Variants in CDH12 observed in about 807,000 individuals in gnomAD.
The protein encoded by CDH12 is cadherin-12.
CDH12 carries 41 observed loss-of-function variants against 74.1 expected under a neutral mutation model. The observed-to-expected ratio is 0.55, with a 90% CI of 0.43 to 0.72. The LOEUF (loss-of-function observed/expected upper bound fraction) is 0.72, where lower values mean the gene tolerates loss of function less well. Among genes scored for constraint, CDH12 ranks in the 30% least tolerant of loss-of-function variants. The pLI is 0.00. For synonymous variants in CDH12, 399 were observed against 355.0 expected, an observed-to-expected ratio of 1.12 and a Z score of -1.39; for missense variants, 945 against 977.2, an observed-to-expected ratio of 0.97 and a Z score of 0.44.
intron 1 of CDH12, among the ~76,000 whole-genome samples, chr5:22,549,902 G>C (rs1387841502): frequency 1.3e-5 from 2 of 152,142 alleles, no homozygotes; most frequent in African/African-American, 4.8e-5. Context: ...ACTCGTGACA[G>C]CTCTAACTGT....
chr5:22,190,390 ATCTATCT>A (rs1000111153), intron 4 of CDH12, among the ~76,000 whole-genome samples: 3 of 151,316 alleles, frequency 2.0e-5, no homozygotes, highest in African/African-American at 7.3e-5. Flanking sequence ...CTATCTATCT[ATCTATCT>A]ATCTATCCTC....
intron 2 of CDH12, among the ~76,000 whole-genome samples, chr5:22,500,533 C>G (rs1747288121): frequency 6.6e-6 from 1 of 152,136 alleles, no homozygotes; most frequent in South Asian, 2.1e-4. Context: ...TATCTTATCA[C>G]TTCCTCAATT....
chr5:21,832,111 A>T (rs1323469291), intron 8 of CDH12, among the ~76,000 whole-genome samples: 1 of 152,152 alleles, frequency 6.6e-6, no homozygotes, highest in Admixed American at 6.6e-5. Context: ...AAATAATTTA[A>T]AACTAAAGGT....
chr5:21,905,973 C>T (rs1177078476), intron 6 of CDH12, among the ~76,000 whole-genome samples: 1 of 151,826 alleles, frequency 6.6e-6, no homozygotes. Context: ...GTGCTCAATA[C>T]TTATATTTAG....
At position 22,450,431 on chromosome 5, in the gene CDH12, T is replaced by C. The variant is rs548337302; in HGVS notation, c.-427-45080A>G. Among the ~76,000 whole-genome samples, 4 of 152,044 alleles carry C rather than the reference T, an allele frequency of 2.6e-5. No individual in the cohort carries two copies. In the East Asian group the frequency reaches 7.7e-4, roughly 29 times the overall value. On this transcript the variant is annotated intron_variant, in intron 2 of 14. Transcript: ENST00000382254. ...AATCTTGAAAAAGGACCTCCCCCTT[T>C]ATCCAGTTGCTGAAGCCAGAAATAT...
intron 1 of CDH12, among the ~76,000 whole-genome samples, chr5:22,792,106 A>C (rs1341628944): frequency 2.5e-5 from 2 of 80,312 alleles, no homozygotes; most frequent in Non-Finnish European, 4.8e-5. Flanking sequence ...TTTTTTTTTG[A>C]GATGGAGTTT....
rs10657805 is a variant in CDH12, at chr5:21,751,608, G to GAAAA, written c.*128_*129insTTTT. ...AGGTAATCAAAGGAATCTTGTCCCA[G>GAAAA]AGTGTGTGTGTGTGTGTGTGTGTTT... On this transcript the variant is annotated 3_prime_UTR_variant, in exon 15 of 15. Coordinates refer to ENST00000382254, the MANE Select transcript of CDH12 (RefSeq NM_004061.5). 4.7e-6 allele frequency: 3 copies of GAAAA among 641,040 alleles called. No homozygotes were observed. In the African/African-American group the frequency reaches 6.6e-5, roughly 14 times the overall value. 39.7% of individuals were successfully genotyped at this position (641,040 alleles called of 1,614,324 possible). A position where few individuals can be genotyped will look rare whatever the true frequency, so the allele number is the denominator to read the frequency against.
At chr5:22,171,779 T>C (rs1561186947) in intron 4 of CDH12, among the ~76,000 whole-genome samples, 1 of 151,928 alleles carries the variant, frequency 6.6e-6, no homozygotes, top group Non-Finnish European at 1.5e-5. Flanking sequence ...TATTTACATT[T>C]GTATTGTGTT....
At chr5:22,388,173 T>C (rs112193623) in intron 3 of CDH12, among the ~76,000 whole-genome samples, 218 of 152,232 alleles carry the variant, frequency 1.4e-3, no homozygotes, top group African/African-American at 4.8e-3. Context: ...TTGTGAGTCC[T>C]TTGGATTGGT....
At chr5:21,903,957 A>G (rs2150056767) in intron 6 of CDH12, among the ~76,000 whole-genome samples, 1 of 152,264 alleles carries the variant, frequency 6.6e-6, no homozygotes, top group South Asian at 2.1e-4. Flanking sequence ...AAAAAAAGAC[A>G]TGGATTTCCA....
chr5:22,329,298 AAT>A (rs1382937796), intron 3 of CDH12, among the ~76,000 whole-genome samples: 8 of 152,218 alleles, frequency 5.3e-5, no homozygotes, highest in African/African-American at 1.9e-4. Flanking sequence ...TAATACCAGC[AAT>A]AGAGAAACCT....
chr5:21,986,717 G>C (rs533293120), intron 5 of CDH12, among the ~76,000 whole-genome samples: 1 of 151,924 alleles, frequency 6.6e-6, no homozygotes, highest in Non-Finnish European at 1.5e-5. Context: ...AAATGTATAC[G>C]ATTTAGTCTA....
intron 1 of CDH12, among the ~76,000 whole-genome samples, chr5:22,746,573 T>C (rs976565): frequency 0.84 from 127,295 of 152,182 alleles, 53,319 homozygotes; most frequent in Non-Finnish European, 0.86. Context: ...TGCATGCAAA[T>C]ATATGTATTT....
At chr5:22,145,575 C>T (rs1747104894) in intron 4 of CDH12, among the ~76,000 whole-genome samples, 1 of 152,002 alleles carries the variant, frequency 6.6e-6, no homozygotes, top group Admixed American at 6.6e-5. Context: ...AGAATAAACA[C>T]ACAATATATC....
At chr5:21,818,038 GACATTTC>G (rs1408380407) in intron 8 of CDH12, among the ~76,000 whole-genome samples, 1 of 151,920 alleles carries the variant, frequency 6.6e-6, no homozygotes, top group East Asian at 1.9e-4. Context: ...CTCTTTTACT[GACATTTC>G]ATTAAAGCAA....
intron 6 of CDH12, among the ~76,000 whole-genome samples, chr5:21,873,361 A>G (rs995714478): frequency 6.6e-6 from 1 of 152,216 alleles, no homozygotes; most frequent in African/African-American, 2.4e-5. Flanking sequence ...TAAAGCCAAC[A>G]AAATCAGAAG....
chr5:22,692,101 A>G (rs2126944845), intron 1 of CDH12, among the ~76,000 whole-genome samples: 1 of 152,264 alleles, frequency 6.6e-6, no homozygotes, highest in Non-Finnish European at 1.5e-5. Context: ...AAATTAGTGC[A>G]GTAGTAGCGG....
At chr5:22,620,559 A>T (rs1737920445) in intron 1 of CDH12, among the ~76,000 whole-genome samples, 1 of 152,120 alleles carries the variant, frequency 6.6e-6, no homozygotes, top group Non-Finnish European at 1.5e-5. Context: ...AGAAAATAGA[A>T]AAAGCAAAAA....
At chr5:21,888,978 T>C (rs992367900) in intron 6 of CDH12, among the ~76,000 whole-genome samples, 2 of 152,056 alleles carry the variant, frequency 1.3e-5, no homozygotes, top group Admixed American at 6.6e-5. Context: ...TAAGCTGTCA[T>C]GTTGCTGATA....
Sources: allele counts gnomAD v4.1 joint callset (sites outside exome capture counted in the v4.1 genomes callset), GRCh38; gene constraint gnomAD v4.1.1; transcripts MANE v1.5; gene names NCBI Gene and HGNC (gene_info 2026-07-23, HGNC 2026-07-21).